The following ENPEP variants were observed in gnomAD, a reference collection of about 807,000 sequenced individuals.
ENPEP encodes AP-A.
In ENPEP, 103 loss-of-function variants were observed where a neutral mutation model predicts 114.5. The ratio of observed to expected loss-of-function variants is 0.90; its 90% confidence interval spans 0.77 to 1.06. The LOEUF (loss-of-function observed/expected upper bound fraction) is 1.06. ENPEP is among the 50% of genes least tolerant of loss of function. The probability of loss-of-function intolerance (pLI) is 0.00; values close to 1 mark genes in which losing one functional copy is unlikely to be tolerated. For missense variants in ENPEP, 1,196 were observed against 1,161.3 expected, an observed-to-expected ratio of 1.03 and a Z score of -0.43; for synonymous variants, 420 against 422.0, an observed-to-expected ratio of 1.00 and a Z score of 0.06.
intron 11 of ENPEP, among the ~76,000 whole-genome samples, chr4:110,541,055 C>T (rs1726829087): frequency 1.3e-5 from 2 of 151,962 alleles, no homozygotes; most frequent in Admixed American, 6.5e-5. Flanking sequence ...AGAAACTCTC[C>T]TTCTGATACA....
chr4:110,486,475 A>G (rs923741293), intron 1 of ENPEP, among the ~76,000 whole-genome samples: 1 of 152,216 alleles, frequency 6.6e-6, no homozygotes, highest in African/African-American at 2.4e-5. Context: ...TTTTCATCTT[A>G]GGGACTTTGC....
chr4:110,500,952 G>C lies in ENPEP; in HGVS notation c.919-5685G>C, dbSNP rs568763612. Among the ~76,000 whole-genome samples the C allele has an allele frequency of 5.3e-5, 8 of 152,230 alleles. No individual in the cohort carries two copies. In the South Asian group the frequency reaches 1.7e-3, roughly 32 times the overall value. ...GGGGTCAGAGAGCGGGAAAAGTGTGGTGAGGATGAGTGAAGGCATCAGCAC... is the reference window on the plus strand; with the variant it reads ...GGGGTCAGAGAGCGGGAAAAGTGTGCTGAGGATGAGTGAAGGCATCAGCAC... On this transcript the variant is annotated intron_variant, in intron 3 of 19. Coordinates refer to ENST00000265162, the MANE Select transcript of ENPEP (RefSeq NM_001977.4).
chr4:110,548,244 T>G lies in ENPEP; in HGVS notation c.2069T>G (p.Leu690Ter). 6.2e-7 allele frequency: 1 copy of G among 1,600,984 alleles called. No homozygotes were observed. The change falls in exon 14 of 20, where the codon TTA becomes TGA. Residue 690 changes from leucine (L) to a stop codon, truncating the protein, a stop_gained. Coordinates refer to ENST00000265162, the MANE Select transcript of ENPEP (RefSeq NM_001977.4). LOFTEE classifies it high-confidence loss of function. ...TATCTCAAAAGGGAAGAGAATTTTTTACCATGGCAGAGAGTAATTTCAGCT... is the reference window on the plus strand; with the variant it reads ...TATCTCAAAAGGGAAGAGAATTTTTGACCATGGCAGAGAGTAATTTCAGCT... ...TKYLKREENF[L>*]PWQRVISAVT...
At chr4:110,491,231 G>A in intron 3 of ENPEP, 67 bp downstream of exon 3, 2 of 1,400,674 alleles carry the variant, frequency 1.4e-6, no homozygotes, top group East Asian at 2.6e-5. Context: ...ACCTTTTTTG[G>A]GTAGTTTTTT....
chr4:110,538,201 C>A (rs1250663072), intron 11 of ENPEP, among the ~76,000 whole-genome samples: 1 of 152,190 alleles, frequency 6.6e-6, no homozygotes, highest in Non-Finnish European at 1.5e-5. Flanking sequence ...TGTGAAAGTC[C>A]TTGATGGCAT....
chr4:110,509,826 G>A lies in ENPEP; in HGVS notation c.1194+19G>A. On this transcript the variant is annotated intron_variant, in intron 5 of 19. Coordinates refer to ENST00000265162, the MANE Select transcript of ENPEP (RefSeq NM_001977.4). ...GCATCAGGTACAGAATCTTAGCACT[G>A]AATCAGCTTGTTTTTTTAAAGTGGC... The A allele has an allele frequency of 6.3e-7, 1 of 1,599,094 alleles. No homozygotes were observed. The highest frequency in any genetic ancestry group is 8.5e-7 in the Non-Finnish European group (1 of 1,175,346).
chr4:110,477,372 A>G (rs1452770372), intron 1 of ENPEP, among the ~76,000 whole-genome samples: 1 of 152,240 alleles, frequency 6.6e-6, no homozygotes. Flanking sequence ...CTCAGGTTTG[A>G]GAACTGCCTT....
Position 110,528,396 on chromosome 4 carries a change from G to T in ENPEP, c.1728-2802G>T, listed in dbSNP as rs563217758. On this transcript the variant is annotated intron_variant, in intron 10 of 19. Coordinates refer to ENST00000265162, the MANE Select transcript of ENPEP (RefSeq NM_001977.4). The stretch of plus-strand genomic sequence containing the variant: ...TAAATGCCTTCATGCACCCATAAAG[G>T]AATTAGCTTTTTTTCCAATCCTAAC... Among the ~76,000 whole-genome samples the T allele has an allele frequency of 3.9e-5, 6 of 152,218 alleles. No individual in the cohort carries two copies. In the South Asian group the frequency reaches 1.2e-3, roughly 32 times the overall value.
intron 3 of ENPEP, among the ~76,000 whole-genome samples, chr4:110,502,690 T>G (rs1560555877): frequency 6.6e-6 from 1 of 152,214 alleles, no homozygotes; most frequent in Non-Finnish European, 1.5e-5. Context: ...GTAGTATAGT[T>G]TAAAGTCAGG....
At chr4:110,513,380 A>G (rs563032673) in intron 6 of ENPEP, 35 bp from the exon 7 acceptor site, 2 of 1,592,314 alleles carry the variant, frequency 1.3e-6, no homozygotes, top group African/African-American at 1.4e-5. Flanking sequence ...TATAAAGGAA[A>G]TACTATATTC....
intron 17 of ENPEP, among the ~76,000 whole-genome samples, chr4:110,552,066 A>G (rs970300895): frequency 2.6e-5 from 4 of 152,142 alleles, no homozygotes; most frequent in Non-Finnish European, 5.9e-5. Context: ...TTGTTTTCCC[A>G]TCAGGTCTTC....
chr4:110,529,032 T>C (rs963702921), intron 10 of ENPEP, among the ~76,000 whole-genome samples: 4 of 152,242 alleles, frequency 2.6e-5, no homozygotes, highest in African/African-American at 7.2e-5. Flanking sequence ...CTTTCTATCA[T>C]TTTTATCTTA....
chr4:110,551,591 T>C (rs1220145070), intron 17 of ENPEP, among the ~76,000 whole-genome samples: 1 of 152,152 alleles, frequency 6.6e-6, no homozygotes, highest in African/African-American at 2.4e-5. Flanking sequence ...TAAAAGTAGA[T>C]TTACCCACAC....
intron 10 of ENPEP, among the ~76,000 whole-genome samples, chr4:110,529,333 GT>G (rs1024719124): frequency 6.6e-6 from 1 of 152,170 alleles, no homozygotes; most frequent in African/African-American, 2.4e-5. Flanking sequence ...TCTTAGGAAT[GT>G]TCTTTGTCGG....
intron 18 of ENPEP, 85 bp from the exon 19 acceptor site, chr4:110,559,562 A>G (rs1409413932): frequency 3.1e-6 from 3 of 966,178 alleles, no homozygotes; most frequent in Non-Finnish European, 4.8e-6. Flanking sequence ...AAAAACTATG[A>G]AATAAAAAGG....
intron 3 of ENPEP, among the ~76,000 whole-genome samples, chr4:110,500,357 G>T (rs1560555120): frequency 2.6e-5 from 4 of 152,166 alleles, no homozygotes; most frequent in African/African-American, 7.2e-5. Context: ...GCTGAATAAG[G>T]CTGTATAAAG....
chr4:110,505,927 G>A lies in ENPEP; in HGVS notation c.919-710G>A, dbSNP rs534595144. On this transcript the variant is annotated intron_variant, in intron 3 of 19. Transcript: ENST00000265162. ...AAAGTCAGACATGCTTAGAATTGGG[G>A]ACAAAAATCTGTACTTGGTTTGATT... is the stretch of plus-strand genomic sequence containing the variant. Among the ~76,000 whole-genome samples, 10 of 152,210 alleles carry A rather than the reference G, an allele frequency of 6.6e-5. No homozygotes were observed. The South Asian group carries it at 1.5e-3, about 22-fold the overall frequency.
At chr4:110,549,658 GA>G in intron 16 of ENPEP, 26 bp downstream of exon 16, 1 of 1,613,140 alleles carries the variant, frequency 6.2e-7, no homozygotes, top group Non-Finnish European at 8.5e-7. Flanking sequence ...GTTATGCTTA[GA>G]AGACACATTT....
At chr4:110,510,131 C>T in intron 5 of ENPEP, 114 bp from the exon 6 acceptor site, 1 of 832,894 alleles carries the variant, frequency 1.2e-6, no homozygotes, top group East Asian at 2.6e-5. Flanking sequence ...CAATGCCTGC[C>T]ACTTCTGTCA....
Sources: gnomAD v4.1 joint callset for allele counts (sites outside exome capture counted in the v4.1 genomes callset) on GRCh38, gnomAD v4.1.1 for gene constraint, MANE v1.5 for transcripts, NCBI Gene and HGNC (gene_info 2026-07-23, HGNC 2026-07-21) for gene names.